The following CADM1 variants were observed in gnomAD, a reference collection of about 807,000 sequenced individuals.
CADM1 encodes the protein cell adhesion molecule 1.
A neutral mutation model predicts 53.1 loss-of-function variants in CADM1; 15 were observed. The observed-to-expected ratio is 0.28, with a 90% CI of 0.19 to 0.44. CADM1 has a LOEUF of 0.44. Among genes scored for constraint, CADM1 ranks in the 20% least tolerant of loss-of-function variants. The pLI, the probability that CADM1 is intolerant of heterozygous loss-of-function variation, is 1.00. For synonymous variants in CADM1, 281 were observed against 243.0 expected, an observed-to-expected ratio of 1.16 and a Z score of -1.45; for missense variants, 434 against 611.3, an observed-to-expected ratio of 0.71 and a Z score of 3.06.
At chr11:115,216,110 G>A (rs1941171927) in intron 6 of CADM1, among the ~76,000 whole-genome samples, 1 of 152,208 alleles carries the variant, frequency 6.6e-6, no homozygotes, top group African/African-American at 2.4e-5. Context: ...ACAATCAGTA[G>A]GGGTAACTGC....
chr11:115,204,201 T>C (rs1366246934), intron 8 of CADM1, among the ~76,000 whole-genome samples: 1 of 152,214 alleles, frequency 6.6e-6, no homozygotes, highest in Non-Finnish European at 1.5e-5. Context: ...ACATTGAAGA[T>C]AGATGCTTGA....
intron 1 of CADM1, among the ~76,000 whole-genome samples, chr11:115,362,692 C>T (rs1342322036): frequency 6.6e-6 from 1 of 151,784 alleles, no homozygotes; most frequent in Non-Finnish European, 1.5e-5. Context: ...CTCTATTTAA[C>T]AATGGATGAT....
chr11:115,469,280 C>CCTAG (rs922447893), intron 1 of CADM1, among the ~76,000 whole-genome samples: 1 of 152,208 alleles, frequency 6.6e-6, no homozygotes, highest in African/African-American at 2.4e-5. Context: ...TACCTACTTA[C>CCTAG]CTAGCACCTT....
intron 1 of CADM1, among the ~76,000 whole-genome samples, chr11:115,342,857 C>T (rs1454219123): frequency 6.6e-6 from 1 of 151,966 alleles, no homozygotes; most frequent in Non-Finnish European, 1.5e-5. Context: ...GTAAATTGCA[C>T]CTACTATGTG....
At position 115,172,658 on chromosome 11, in the gene CADM1, G is replaced by A. The variant is rs867100030; in HGVS notation, c.*3816C>T. On this transcript the variant is annotated 3_prime_UTR_variant, in exon 12 of 12. Coordinates refer to ENST00000331581, the MANE Select transcript of CADM1 (RefSeq NM_001301043.2). ...ATGCTCTACTTGGCCTCCAGAGACC[G>A]CCTTATACTTCTCTGCATCCCTCAC... 2.7e-5 allele frequency: 4 copies of A among 149,730 alleles called. No homozygotes were observed. Among genetic ancestry groups the A allele is most frequent in the African/African-American group, 4.9e-5 (2 of 40,742 alleles). 9.3% of individuals were successfully genotyped at this position (149,730 alleles called of 1,614,324 possible). A position where few individuals can be genotyped will look rare whatever the true frequency, so the allele number is the denominator to read the frequency against.
chr11:115,408,782 G>A (rs1181703354), intron 1 of CADM1, among the ~76,000 whole-genome samples: 1 of 152,178 alleles, frequency 6.6e-6, no homozygotes, highest in African/African-American at 2.4e-5. Context: ...CAGAAGCCAG[G>A]GGCAGAGGGG....
intron 1 of CADM1, among the ~76,000 whole-genome samples, chr11:115,276,152 G>C (rs1385194980): frequency 6.6e-6 from 1 of 152,178 alleles, no homozygotes; most frequent in Non-Finnish European, 1.5e-5. Flanking sequence ...GCTTATACTA[G>C]TATTTATTAA....
chr11:115,485,268 C>T (rs1373825422), intron 1 of CADM1, among the ~76,000 whole-genome samples: 1 of 152,178 alleles, frequency 6.6e-6, no homozygotes, highest in Non-Finnish European at 1.5e-5. Context: ...TACCAACACA[C>T]CTTCCTTAAG....
intron 1 of CADM1, among the ~76,000 whole-genome samples, chr11:115,252,606 A>T (rs1227498126): frequency 6.6e-6 from 1 of 152,226 alleles, no homozygotes; most frequent in African/African-American, 2.4e-5. Context: ...CAGCATTAAA[A>T]ACATGACTTA....
Position 115,175,891 on chromosome 11 carries a change from A to G in CADM1, c.*583T>C. 1 of 995,716 alleles carries G rather than the reference A, an allele frequency of 1.0e-6. No individual in the cohort carries two copies. Among genetic ancestry groups the G allele is most frequent in the South Asian group, 4.5e-5 (1 of 22,402 alleles). 61.7% of individuals were successfully genotyped at this position (995,716 alleles called of 1,614,324 possible). On this transcript the variant is annotated 3_prime_UTR_variant, in exon 12 of 12. Coordinates refer to ENST00000331581, the MANE Select transcript of CADM1 (RefSeq NM_001301043.2). ...GTTTGTTCACCCAAATCTTTACGAC[A>G]ACAGAGAAGAATGCATTATGGATAC...
chr11:115,207,139 G>A (rs563252171), intron 8 of CADM1, among the ~76,000 whole-genome samples: 9 of 152,226 alleles, frequency 5.9e-5, no homozygotes, highest in East Asian at 1.9e-4. Context: ...TTAAGGCAAC[G>A]AATTCTACAA....
intron 1 of CADM1, among the ~76,000 whole-genome samples, chr11:115,350,882 C>T (rs1364065932): frequency 1.3e-5 from 2 of 149,346 alleles, no homozygotes; most frequent in African/African-American, 2.5e-5. Context: ...CATGGATTAG[C>T]TTAAGGCAAT....
At chr11:115,486,080 TAGTC>T (rs1565450579) in intron 1 of CADM1, among the ~76,000 whole-genome samples, 1 of 152,192 alleles carries the variant, frequency 6.6e-6, no homozygotes, top group Non-Finnish European at 1.5e-5. Context: ...CCCCATTCTC[TAGTC>T]AGCCATCAAT....
At chr11:115,463,529 C>T (rs1362041753) in intron 1 of CADM1, among the ~76,000 whole-genome samples, 3 of 152,178 alleles carry the variant, frequency 2.0e-5, no homozygotes, top group Non-Finnish European at 4.4e-5. Flanking sequence ...TATATATGTA[C>T]ATTCCTGTTT....
At position 115,176,041 on chromosome 11, in the gene CADM1, A is replaced by G. The variant is rs1939011991; in HGVS notation, c.*433T>C. On this transcript the variant is annotated 3_prime_UTR_variant, in exon 12 of 12. Coordinates refer to ENST00000331581, the MANE Select transcript of CADM1 (RefSeq NM_001301043.2). The stretch of plus-strand genomic sequence containing the variant: ...AAAACTAGAACAGAAAAGGGAAGGA[A>G]AAGAGTCTAAGGAATCCCAGCAGGC... 6 of 1,064,390 alleles carry G rather than the reference A, an allele frequency of 5.6e-6. No individual in the cohort carries two copies. The highest frequency in any genetic ancestry group is 6.8e-6 in the Non-Finnish European group (6 of 878,266). The allele number at this position is 1,064,390 out of a possible 1,614,324, so 65.9% of individuals were successfully genotyped here.
intron 1 of CADM1, among the ~76,000 whole-genome samples, chr11:115,241,706 A>C (rs1471993710): frequency 6.6e-6 from 1 of 152,188 alleles, no homozygotes; most frequent in Admixed American, 6.5e-5. Context: ...CTAGACATCA[A>C]ATACAAAGAT....
At chr11:115,376,754 G>C (rs561426580) in intron 1 of CADM1, among the ~76,000 whole-genome samples, 2 of 152,276 alleles carry the variant, frequency 1.3e-5, no homozygotes, top group South Asian at 2.1e-4. Flanking sequence ...GCTCTTGTCT[G>C]AAGCAGGTAC....
intron 1 of CADM1, among the ~76,000 whole-genome samples, chr11:115,329,399 G>A (rs547641526): frequency 1.7e-4 from 26 of 152,068 alleles, no homozygotes; most frequent in Non-Finnish European, 3.5e-4. Flanking sequence ...GCATTTTTTT[G>A]AAGTCTATCC....
chr11:115,292,945 A>G (rs4938195), intron 1 of CADM1, among the ~76,000 whole-genome samples: 18,311 of 152,232 alleles, frequency 0.12, 1,223 homozygotes, highest in South Asian at 0.28. Flanking sequence ...AGCCTTCAGG[A>G]TAATTACTGG....
Sources: allele counts gnomAD v4.1 joint callset (sites outside exome capture counted in the v4.1 genomes callset), GRCh38; gene constraint gnomAD v4.1.1; transcripts MANE v1.5; gene names NCBI Gene and HGNC (gene_info 2026-07-23, HGNC 2026-07-21).